The following AKT3 variants were observed in gnomAD, a reference collection of about 807,000 sequenced individuals.
The protein encoded by AKT3 is AKT serine/threonine kinase 3.
A neutral mutation model predicts 65.3 loss-of-function variants in AKT3; 15 were observed. The ratio of observed to expected loss-of-function variants is 0.23; its 90% confidence interval spans 0.15 to 0.35. AKT3 has a LOEUF of 0.35. Ranked by LOEUF, AKT3 falls within the 10% of genes least tolerant of loss-of-function variation. AKT3 has a pLI of 1.00. For missense variants in AKT3, 243 were observed against 576.5 expected (o/e 0.42, Z 5.92); for synonymous variants, 206 against 183.8 (o/e 1.12, Z -0.98).
At chr1:243,615,776 G>A (rs1678255130) in intron 6 of AKT3, among the ~76,000 whole-genome samples, 1 of 151,930 alleles carries the variant, frequency 6.6e-6, no homozygotes, top group South Asian at 2.1e-4. Flanking sequence ...CTGTTGCCCA[G>A]GATAGAGTAC....
intron 3 of AKT3, among the ~76,000 whole-genome samples, chr1:243,685,394 A>C (rs1684216865): frequency 6.6e-6 from 1 of 152,140 alleles, no homozygotes; most frequent in South Asian, 2.1e-4. Flanking sequence ...TTTTCTGCAT[A>C]TGGCTAGCCA....
intron 4 of AKT3, among the ~76,000 whole-genome samples, chr1:243,659,274 T>C (rs1218620135): frequency 6.6e-6 from 1 of 152,094 alleles, no homozygotes; most frequent in Non-Finnish European, 1.5e-5. Context: ...GGTATGGGAA[T>C]GGAGAGCTAC....
At chr1:243,711,321 C>T (rs1452861424) in intron 2 of AKT3, among the ~76,000 whole-genome samples, 1 of 152,074 alleles carries the variant, frequency 6.6e-6, no homozygotes, top group Non-Finnish European at 1.5e-5. Context: ...GAGTGAGACT[C>T]CATCTCAAAA....
chr1:243,663,790 TATA>T (rs1483660197), intron 4 of AKT3, among the ~76,000 whole-genome samples: 1 of 152,182 alleles, frequency 6.6e-6, no homozygotes, highest in African/African-American at 2.4e-5. Context: ...TAGGATCAAA[TATA>T]ATAACATGTG....
chr1:243,841,714 C>T (rs996226314), intron 2 of AKT3, among the ~76,000 whole-genome samples: 1 of 152,142 alleles, frequency 6.6e-6, no homozygotes, highest in African/African-American at 2.4e-5. Flanking sequence ...TACACAAAGA[C>T]ATGCACTCTA....
At chr1:243,535,979 G>A (rs1360518584) in intron 12 of AKT3, among the ~76,000 whole-genome samples, 1 of 152,082 alleles carries the variant, frequency 6.6e-6, no homozygotes, top group Non-Finnish European at 1.5e-5. Flanking sequence ...GATTTGTGAT[G>A]TTGAACATTT....
In AKT3 at chr1:243,672,002, C is replaced by G. The variant is rs374530938; in HGVS notation, c.173-7119G>C. On this transcript the variant is annotated intron_variant, in intron 3 of 13. Transcript: ENST00000673466. ...TTCTATACCTTCTCTACACCTTCCC[C>G]GTGCTTGGCCCTTCTCCCATCTATG... Among the ~76,000 whole-genome samples, 3 of 151,866 alleles carry G rather than the reference C, an allele frequency of 2.0e-5. No homozygotes were observed. The East Asian group carries it at 5.8e-4, about 29-fold the overall frequency.
chr1:243,642,946 T>C (rs1680553079), intron 5 of AKT3, among the ~76,000 whole-genome samples: 1 of 152,192 alleles, frequency 6.6e-6, no homozygotes, highest in African/African-American at 2.4e-5. Context: ...CAGATACATT[T>C]ACAATGTAAC....
chr1:243,793,926 A>G (rs1007684211), intron 2 of AKT3, among the ~76,000 whole-genome samples: 2 of 152,218 alleles, frequency 1.3e-5, no homozygotes, highest in African/African-American at 2.4e-5. Context: ...TGAGACCCAG[A>G]AACATTAGAA....
At chr1:243,702,768 T>C (rs1406050842) in intron 2 of AKT3, 1 of 152,200 alleles carries the variant, frequency 6.6e-6, no homozygotes, top group East Asian at 1.9e-4. Context: ...CTAAACACAG[T>C]ATTAATTTGA....
At chr1:243,545,426 T>C in intron 12 of AKT3, 84 bp downstream of exon 12, 2 of 774,410 alleles carry the variant, frequency 2.6e-6, no homozygotes, top group Non-Finnish European at 2.2e-6. Flanking sequence ...CATTAACTTT[T>C]ATTCACTTAA....
At chr1:243,783,229 T>G (rs1691025782) in intron 2 of AKT3, among the ~76,000 whole-genome samples, 1 of 152,112 alleles carries the variant, frequency 6.6e-6, no homozygotes, top group Non-Finnish European at 1.5e-5. Flanking sequence ...GATTAGAGGG[T>G]TAGAACTTTC....
chr1:243,822,262 G>C (rs1693899871), intron 2 of AKT3, among the ~76,000 whole-genome samples: 1 of 152,066 alleles, frequency 6.6e-6, no homozygotes, highest in South Asian at 2.1e-4. Flanking sequence ...AGAATCTCTG[G>C]GATGTAGCTA....
intron 2 of AKT3, among the ~76,000 whole-genome samples, chr1:243,822,250 C>T (rs781294091): frequency 2.6e-5 from 4 of 152,040 alleles, no homozygotes; most frequent in Non-Finnish European, 5.9e-5. Context: ...AGACAATGTA[C>T]CAGAATCTCT....
intron 12 of AKT3, among the ~76,000 whole-genome samples, chr1:243,536,079 AT>A (rs560321926): frequency 2.0e-5 from 3 of 149,826 alleles, no homozygotes; most frequent in Admixed American, 6.6e-5. Flanking sequence ...AATTATTTGA[AT>A]TTTTTCTTGC....
At chr1:243,750,374 C>G (rs902056508) in intron 2 of AKT3, among the ~76,000 whole-genome samples, 2 of 150,564 alleles carry the variant, frequency 1.3e-5, no homozygotes, top group African/African-American at 2.4e-5. Flanking sequence ...CCTCCTTCTC[C>G]CACCTTCTCT....
chr1:243,629,497 A>C (rs987406270), intron 6 of AKT3, among the ~76,000 whole-genome samples: 1 of 151,754 alleles, frequency 6.6e-6, no homozygotes, highest in African/African-American at 2.4e-5. Context: ...AAATAAGTAG[A>C]TATGGGAGAT....
chr1:243,837,918 A>G (rs1019341204), intron 2 of AKT3, among the ~76,000 whole-genome samples: 7 of 152,226 alleles, frequency 4.6e-5, no homozygotes, highest in Admixed American at 4.6e-4. Flanking sequence ...AATCAGAGGC[A>G]TAAAGATTGG....
chr1:243,795,149 T>C (rs549209892), intron 2 of AKT3, among the ~76,000 whole-genome samples: 1 of 152,192 alleles, frequency 6.6e-6, no homozygotes, highest in African/African-American at 2.4e-5. Flanking sequence ...TTTTTTTTTT[T>C]TTTAATGTTG....
Sources: gnomAD v4.1 joint callset for allele counts (sites outside exome capture counted in the v4.1 genomes callset) on GRCh38, gnomAD v4.1.1 for gene constraint, MANE v1.5 for transcripts, NCBI Gene and HGNC (gene_info 2026-07-23, HGNC 2026-07-21) for gene names.